GDF2: variants seen among roughly 807,000 people sequenced by gnomAD.
GDF2 encodes the protein growth differentiation factor 2.
Under a neutral mutation model 16.9 loss-of-function variants are expected in GDF2, and 17 were observed. The observed-to-expected ratio is 1.00, with a 90% CI of 0.69 to 1.51. The LOEUF (loss-of-function observed/expected upper bound fraction) is 1.51. Ranked by LOEUF, GDF2 falls within the 40% of genes most tolerant of loss-of-function variation. The pLI is 0.00. For missense variants in GDF2, 523 were observed against 556.3 expected (o/e 0.94, Z 0.60); for synonymous variants, 276 against 237.6 (o/e 1.16, Z -1.49).
At position 47,326,840 on chromosome 10, in the gene GDF2, C is replaced by T. The variant is rs368342796; in HGVS notation, c.*1056C>T. On this transcript the variant is annotated 3_prime_UTR_variant, in exon 2 of 2. Transcript: ENST00000581492. ...TCACCAGCATGCCATGCCCAGGGTG[C>T]CCCCCAGTGACAACCTCATGGGAGA... 2.6e-4 allele frequency among the ~76,000 whole-genome samples: 39 copies of T among 152,350 alleles called. No homozygotes were observed. The highest frequency in any genetic ancestry group is 8.9e-4 in the African/African-American group (37 of 41,586).
Position 47,326,832 on chromosome 10 carries a change from C to T in GDF2, c.*1048C>T, listed in dbSNP as rs1289915626. 6.6e-6 allele frequency among the ~76,000 whole-genome samples: 1 copy of T among 152,236 alleles called. No homozygotes were observed. Among genetic ancestry groups the T allele is most frequent in the African/African-American group, 2.4e-5 (1 of 41,468 alleles). ...TAGCCAGCTCACCAGCATGCCATGC[C>T]CAGGGTGCCCCCCAGTGACAACCTC... On this transcript the variant is annotated 3_prime_UTR_variant, in exon 2 of 2. Transcript: ENST00000581492.
chr10:47,323,922 G>T (rs1369289976), intron 1 of GDF2, among the ~76,000 whole-genome samples: 2 of 152,190 alleles, frequency 1.3e-5, no homozygotes, highest in Non-Finnish European at 2.9e-5. Flanking sequence ...TCCATACCAC[G>T]CCCAGGCCAG....
chr10:47,325,715 T>G lies in GDF2; in HGVS notation c.1221T>G (p.Asp407Glu). ...GCCCCATCTCCGTCCTCTACAAGGA[T>G]GACATGGGGGTGCCCACCCTCAAGT... ...KLSPISVLYK[D>E]DMGVPTLKYH... Residue 407 changes from aspartate to glutamate, a missense_variant, in exon 2 of 2, where the codon GAT becomes GAG. Asp to Glu is a conservative substitution (Grantham distance 45, BLOSUM62 2). Coordinates refer to ENST00000581492, the MANE Select transcript of GDF2 (RefSeq NM_016204.4). 6.3e-7 allele frequency: 1 copy of G among 1,589,096 alleles called. No homozygotes were observed. Among genetic ancestry groups the G allele is most frequent in the East Asian group, 2.2e-5 (1 of 44,572 alleles).
chr10:47,322,901 A>G lies in GDF2; in HGVS notation c.233A>G (p.Gln78Arg), dbSNP rs1555208729. ...RSLNLSGVPSQDKTRVEPPQY... is the reference protein window; with the variant it reads ...RSLNLSGVPSRDKTRVEPPQY... ...CTTAACCTGAGTGGGGTCCCTTCGC[A>G]GGACAAAACCAGGGTGGAGCCGCCG... is the stretch of plus-strand genomic sequence containing the variant. Residue 78 changes from glutamine to arginine, a missense_variant, in exon 1 of 2, where the codon CAG becomes CGG. Gln to Arg is a conservative substitution (Grantham distance 43, BLOSUM62 1). Coordinates refer to ENST00000581492, the MANE Select transcript of GDF2 (RefSeq NM_016204.4). The G allele has an allele frequency of 6.2e-7, 1 of 1,614,182 alleles. No individual in the cohort carries two copies.
In GDF2 at chr10:47,325,181, T is replaced by C. The variant is rs1555208934; in HGVS notation, c.687T>C (p.Thr229=). 6 of 1,613,770 alleles carry C rather than the reference T, an allele frequency of 3.7e-6. No individual in the cohort carries two copies. The highest frequency in any genetic ancestry group is 4.2e-6 in the Non-Finnish European group (5 of 1,180,024). Residue 229 remains threonine, a synonymous_variant, in exon 2 of 2, where the codon ACT becomes ACC. Transcript: ENST00000581492. ...AGAGCAAAAATAAGCTGGAAGTGAC[T>C]GTGGAGAGCCACAGGAAGGGCTGCG... ...STKSKNKLEV[T]VESHRKGCDT...
intron 1 of GDF2, among the ~76,000 whole-genome samples, chr10:47,323,850 C>T (rs141201606): frequency 1.3e-5 from 2 of 152,348 alleles, no homozygotes; most frequent in East Asian, 3.9e-4. Context: ...CTCTGAATGT[C>T]CAGGAGCACA....
rs145385373 is a variant in GDF2 at position 47,325,226 on chromosome 10, C to T, written c.732C>T (p.Val244=). The change falls in exon 2 of 2, where the codon GTC becomes GTT. Residue 244 remains valine (V), a synonymous_variant. Coordinates refer to ENST00000581492, the MANE Select transcript of GDF2 (RefSeq NM_016204.4). ...GCTGCGACACGCTGGACATCAGTGT[C>T]CCCCCAGGTTCCAGAAACCTGCCCT... ...RKGCDTLDIS[V]PPGSRNLPFF... 142 of 1,614,040 alleles carry T rather than the reference C, an allele frequency of 8.8e-5. 3 individuals carry two copies. In the South Asian group the frequency reaches 1.1e-3, roughly 13 times the overall value.
chr10:47,325,225 TCC>T lies in GDF2; in HGVS notation c.736_737del (p.Pro246ArgfsTer14). The T allele has an allele frequency of 2.5e-6, 4 of 1,613,830 alleles. No homozygotes were observed. Among genetic ancestry groups the T allele is most frequent in the Non-Finnish European group, 3.4e-6 (4 of 1,179,998 alleles). ...GGCTGCGACACGCTGGACATCAGTG[TCC>T]CCCCAGGTTCCAGAAACCTGCCCTT... is the stretch of plus-strand genomic sequence containing the variant. On this transcript the variant is annotated frameshift_variant, in exon 2 of 2. Coordinates refer to ENST00000581492, the MANE Select transcript of GDF2 (RefSeq NM_016204.4). LOFTEE classifies it high-confidence loss of function.
In GDF2 at chr10:47,322,683, A is replaced by T. The variant is rs1659414439; in HGVS notation, c.15A>T (p.Ala5=). 6.4e-7 allele frequency: 1 copy of T among 1,563,838 alleles called. No homozygotes were observed. Among genetic ancestry groups the T allele is most frequent in the South Asian group, 1.2e-5 (1 of 84,490 alleles). MCPG[A]LWVALPLLSL... Reference sequence around the variant, plus strand: ...GCGGGCCTAAGATGTGTCCTGGGGCACTGTGGGTGGCCCTGCCCCTGCTGT... The same window carrying T: ...GCGGGCCTAAGATGTGTCCTGGGGCTCTGTGGGTGGCCCTGCCCCTGCTGT... The change falls in exon 1 of 2, where the codon GCA becomes GCT. Residue 5 remains alanine, a synonymous_variant. Transcript: ENST00000581492.
At position 47,322,609 on chromosome 10, in the gene GDF2, G is replaced by A. The variant is rs1588850562; in HGVS notation, c.-60G>A. On this transcript the variant is annotated 5_prime_UTR_variant, in exon 1 of 2. Coordinates refer to ENST00000581492, the MANE Select transcript of GDF2 (RefSeq NM_016204.4). ...CCGCTCCTTCCCAGCTCCTCCCCGT[G>A]CCCGCTAACACAGCACGGCCGCCTG... The A allele has an allele frequency of 3.1e-6, 4 of 1,271,822 alleles. No homozygotes were observed. Among genetic ancestry groups the A allele is most frequent in the Non-Finnish European group, 3.2e-6 (3 of 942,600 alleles). The allele number at this position is 1,271,822 out of a possible 1,614,324, so 78.8% of individuals were successfully genotyped here.
Position 47,325,794 on chromosome 10 carries a change from G to A in GDF2, c.*10G>A. ...GTGTGGGTGCAGGTAGTATCTGCCT[G>A]CGGGGCTGGGGAGGCAGGCCAAAGG... On this transcript the variant is annotated 3_prime_UTR_variant, in exon 2 of 2. Transcript: ENST00000581492. The A allele has an allele frequency of 6.6e-7, 1 of 1,518,544 alleles. No homozygotes were observed. Among genetic ancestry groups the A allele is most frequent in the Non-Finnish European group, 8.8e-7 (1 of 1,131,970 alleles). 94.1% of individuals were successfully genotyped at this position (1,518,544 alleles called of 1,614,324 possible).
intron 1 of GDF2, among the ~76,000 whole-genome samples, chr10:47,324,161 A>G (rs1218629153): frequency 2.0e-5 from 3 of 152,182 alleles, no homozygotes; most frequent in Non-Finnish European, 4.4e-5. Context: ...GCCAAGCCCC[A>G]TTTTTGCTTG....
Position 47,322,766 on chromosome 10 carries a change from C to T in GDF2, c.98C>T (p.Ala33Val). 6.2e-7 allele frequency: 1 copy of T among 1,612,756 alleles called. No individual in the cohort carries two copies. The highest frequency in any genetic ancestry group is 8.5e-7 in the Non-Finnish European group (1 of 1,179,300). Reference protein sequence around the residue: ...KPLQSWGRGSAGGNAHSPLGV... With the variant: ...KPLQSWGRGSVGGNAHSPLGV... ...CTGCAGAGCTGGGGACGAGGGTCTG[C>T]TGGGGGAAACGCCCACAGCCCACTG... is the stretch of plus-strand genomic sequence containing the variant. Residue 33 changes from alanine to valine, a missense_variant, in exon 1 of 2, where the codon GCT (alanine) becomes GTT (valine). By Grantham distance (64) the Ala-to-Val change is moderately conservative (BLOSUM62 0). Coordinates refer to ENST00000581492, the MANE Select transcript of GDF2 (RefSeq NM_016204.4).
rs914453993 is a variant in GDF2, at chr10:47,324,646, C to T, written c.347-195C>T. Reference sequence around the variant, plus strand: ...AGGAACTCTCAATCCCAATTGGAGGCATCTCCTTTGGAAGATCTTAAGTGT... The same window carrying T: ...AGGAACTCTCAATCCCAATTGGAGGTATCTCCTTTGGAAGATCTTAAGTGT... On this transcript the variant is annotated intron_variant, in intron 1 of 1. Coordinates refer to ENST00000581492, the MANE Select transcript of GDF2 (RefSeq NM_016204.4). Among the ~76,000 whole-genome samples the T allele has an allele frequency of 3.3e-5, 5 of 152,208 alleles. No homozygotes were observed. The East Asian group carries it at 9.6e-4, about 29-fold the overall frequency.
Position 47,322,919 on chromosome 10 carries a change from A to G in GDF2, c.251A>G (p.Glu84Gly), listed in dbSNP as rs2061089838. Residue 84 changes from glutamate (E) to glycine (G), a missense_variant, in exon 1 of 2, where the codon GAG becomes GGG. Physicochemically the swap from Glu to Gly is moderately conservative, Grantham distance 98 (BLOSUM62 -2). Coordinates refer to ENST00000581492, the MANE Select transcript of GDF2 (RefSeq NM_016204.4). Reference sequence around the variant, plus strand: ...CCTTCGCAGGACAAAACCAGGGTGGAGCCGCCGCAGTACATGATTGACCTG... The same window carrying G: ...CCTTCGCAGGACAAAACCAGGGTGGGGCCGCCGCAGTACATGATTGACCTG... ...GVPSQDKTRV[E>G]PPQYMIDLYN... The G allele has an allele frequency of 1.9e-6, 3 of 1,614,032 alleles. No individual in the cohort carries two copies. The highest frequency in any genetic ancestry group is 2.5e-6 in the Non-Finnish European group (3 of 1,180,026).
chr10:47,323,107 T>TTA, intron 1 of GDF2, 93 bp downstream of exon 1: 1 of 768,290 alleles, frequency 1.3e-6, no homozygotes, highest in Non-Finnish European at 2.1e-6. Flanking sequence ...CATAGGAGGC[T>TTA]CTTCAAGCTT....
At position 47,325,229 on chromosome 10, in the gene GDF2, C is replaced by T; in HGVS notation, c.735C>T (p.Pro245=). ...KGCDTLDISV[P]PGSRNLPFFV... ...GCGACACGCTGGACATCAGTGTCCC[C>T]CCAGGTTCCAGAAACCTGCCCTTCT... Residue 245 remains proline (P), a synonymous_variant, in exon 2 of 2, where the codon CCC becomes CCT. Transcript: ENST00000581492. 1.9e-6 allele frequency: 3 copies of T among 1,614,108 alleles called. No individual in the cohort carries two copies. Among genetic ancestry groups the T allele is most frequent in the Non-Finnish European group, 2.5e-6 (3 of 1,180,038 alleles).
Position 47,325,995 on chromosome 10 carries a change from G to A in GDF2, c.*211G>A, listed in dbSNP as rs2061105678. 1 of 472,102 alleles carries A rather than the reference G, an allele frequency of 2.1e-6. No homozygotes were observed. Among genetic ancestry groups the A allele is most frequent in the South Asian group, 5.6e-5 (1 of 17,722 alleles). 29.2% of individuals were successfully genotyped at this position (472,102 alleles called of 1,614,324 possible). A position where few individuals can be genotyped will look rare whatever the true frequency, so the allele number is the denominator to read the frequency against. On this transcript the variant is annotated 3_prime_UTR_variant, in exon 2 of 2. Transcript: ENST00000581492. Reference sequence around the variant, plus strand: ...AGGAAATGGGGATTTGAGCACAACAGGAAAGCCTGGGAGGGTTGTTGGGAT... The same window carrying A: ...AGGAAATGGGGATTTGAGCACAACAAGAAAGCCTGGGAGGGTTGTTGGGAT...
intron 1 of GDF2, 94 bp downstream of exon 1, chr10:47,323,108 C>G (rs2132234560): frequency 3.9e-6 from 3 of 766,188 alleles, no homozygotes; most frequent in Non-Finnish European, 6.2e-6. Context: ...ATAGGAGGCT[C>G]TTCAAGCTTC....
Sources: gnomAD v4.1 joint callset for allele counts (sites outside exome capture counted in the v4.1 genomes callset) on GRCh38, gnomAD v4.1.1 for gene constraint, MANE v1.5 for transcripts, NCBI Gene and HGNC (gene_info 2026-07-23, HGNC 2026-07-21) for gene names.